The following TTC28 variants were observed in gnomAD, a reference collection of about 807,000 sequenced individuals.
TTC28 encodes tetratricopeptide repeat protein 28.
In TTC28, 61 loss-of-function variants were observed where a neutral mutation model predicts 198.0. That is an observed-to-expected ratio of 0.31 (90% CI 0.25 to 0.38). TTC28 has a LOEUF of 0.38. TTC28 is among the 10% of genes least tolerant of loss of function. The pLI is 1.00. For synonymous variants in TTC28, 1,171 were observed against 1,297.8 expected (o/e 0.90, Z 2.10); for missense variants, 2,678 against 3,164.0 (o/e 0.85, Z 3.69).
At chr22:28,372,805 G>A (rs900922247) in intron 2 of TTC28, among the ~76,000 whole-genome samples, 1 of 152,120 alleles carries the variant, frequency 6.6e-6, no homozygotes, top group African/African-American at 2.4e-5. Context: ...AATAAACACC[G>A]AAGTCAGGAG....
At chr22:28,379,199 T>G (rs977837343) in intron 2 of TTC28, among the ~76,000 whole-genome samples, 8 of 152,116 alleles carry the variant, frequency 5.3e-5, no homozygotes, top group African/African-American at 1.9e-4. Context: ...ATATAAAAGC[T>G]GATTTGGAAA....
At chr22:28,449,519 G>C (rs1405415521) in intron 2 of TTC28, among the ~76,000 whole-genome samples, 1 of 152,176 alleles carries the variant, frequency 6.6e-6, no homozygotes, top group Non-Finnish European at 1.5e-5. Context: ...TGTTATAGGA[G>C]AGGAAGCTAA....
chr22:28,351,627 C>T lies in TTC28; in HGVS notation c.382-44984G>A, dbSNP rs568291007. Among the ~76,000 whole-genome samples the T allele has an allele frequency of 2.0e-5, 3 of 152,212 alleles. No homozygotes were observed. In the South Asian group the frequency reaches 6.2e-4, roughly 32 times the overall value. On this transcript the variant is annotated intron_variant, in intron 2 of 22. Coordinates refer to ENST00000397906, the MANE Select transcript of TTC28 (RefSeq NM_001145418.2). Reference sequence around the variant, plus strand: ...GGGGCCAGCAGATGTTCATTCAGAGCCAATGTTAACCCTCCTCAAGCTGAA... The same window carrying T: ...GGGGCCAGCAGATGTTCATTCAGAGTCAATGTTAACCCTCCTCAAGCTGAA...
chr22:28,212,142 T>G (rs1183949332), intron 5 of TTC28, among the ~76,000 whole-genome samples: 2 of 152,022 alleles, frequency 1.3e-5, no homozygotes, highest in African/African-American at 4.8e-5. Flanking sequence ...TAGAGGGAAA[T>G]TTATAGCACT....
intron 2 of TTC28, among the ~76,000 whole-genome samples, chr22:28,581,999 T>G (rs1244917609): frequency 3.3e-5 from 5 of 152,116 alleles, no homozygotes; most frequent in Non-Finnish European, 7.4e-5. Flanking sequence ...TATTAAGTGG[T>G]TTCCTTTTTT....
rs991625237 is a variant in TTC28 at position 28,620,080 on chromosome 22, A to T, written c.381+9472T>A. On this transcript the variant is annotated intron_variant, in intron 2 of 22. Coordinates refer to ENST00000397906, the MANE Select transcript of TTC28 (RefSeq NM_001145418.2). The stretch of plus-strand genomic sequence containing the variant: ...ACAATAGCCAACATCGGCCGGGCAC[A>T]GTGGCTCACGCCTGTAATCCCAGCA... 2.0e-5 allele frequency among the ~76,000 whole-genome samples: 3 copies of T among 152,210 alleles called. No individual in the cohort carries two copies. The South Asian group carries it at 6.2e-4, about 31-fold the overall frequency.
chr22:28,308,626 A>G (rs1645027939), intron 2 of TTC28, among the ~76,000 whole-genome samples: 1 of 152,192 alleles, frequency 6.6e-6, no homozygotes, highest in African/African-American at 2.4e-5. Flanking sequence ...GTTCAGTGTT[A>G]AATGCAAGCT....
chr22:28,622,405 G>A (rs2051013921), intron 2 of TTC28, among the ~76,000 whole-genome samples: 1 of 151,574 alleles, frequency 6.6e-6, no homozygotes, highest in Non-Finnish European at 1.5e-5. Context: ...TTCCACTTAA[G>A]AAACAGAGTT....
chr22:28,222,671 G>A (rs761034889), intron 5 of TTC28, among the ~76,000 whole-genome samples: 32 of 152,156 alleles, frequency 2.1e-4, no homozygotes, highest in Non-Finnish European at 4.0e-4. Context: ...GGAGAAAAGG[G>A]CTATTCATCA....
intron 2 of TTC28, among the ~76,000 whole-genome samples, chr22:28,414,167 A>C (rs1234317678): frequency 6.6e-6 from 1 of 152,258 alleles, no homozygotes; most frequent in East Asian, 1.9e-4. Context: ...GAGTAAGTAC[A>C]TAACAGAAAG....
chr22:28,220,815 A>G (rs758823983), intron 5 of TTC28, among the ~76,000 whole-genome samples: 1 of 152,182 alleles, frequency 6.6e-6, no homozygotes, highest in Non-Finnish European at 1.5e-5. Flanking sequence ...CCACGTTAAG[A>G]GTATGTTTGC....
chr22:28,509,213 C>G (rs906542150), intron 2 of TTC28, among the ~76,000 whole-genome samples: 1 of 151,532 alleles, frequency 6.6e-6, no homozygotes, highest in Non-Finnish European at 1.5e-5. Flanking sequence ...AAAAAATACT[C>G]TCTACCCAGA....
chr22:28,386,269 C>T (rs1356704022), intron 2 of TTC28, among the ~76,000 whole-genome samples: 7 of 47,924 alleles, frequency 1.5e-4, no homozygotes, highest in Admixed American at 9.7e-4. Context: ...AGCGAGACTC[C>T]GTCTCAAAAA....
intron 2 of TTC28, among the ~76,000 whole-genome samples, chr22:28,358,990 C>T (rs957762641): frequency 1.3e-5 from 2 of 152,110 alleles, no homozygotes; most frequent in African/African-American, 4.8e-5. Context: ...ACTATGGTTC[C>T]CTTACCTCTC....
intron 2 of TTC28, among the ~76,000 whole-genome samples, chr22:28,538,655 G>A (rs977043785): frequency 6.8e-6 from 1 of 146,742 alleles, no homozygotes; most frequent in Non-Finnish European, 1.5e-5. Context: ...GGCCTCCCAA[G>A]TTCAAGCAAT....
intron 5 of TTC28, among the ~76,000 whole-genome samples, chr22:28,195,924 TG>T (rs1925288649): frequency 6.6e-6 from 1 of 152,076 alleles, no homozygotes; most frequent in Admixed American, 6.6e-5. Context: ...TTCACAGAAC[TG>T]GAAAAAACTA....
rs566918241 is a variant in TTC28, at chr22:28,341,117, G to A, written c.382-34474C>T. 1.6e-4 allele frequency among the ~76,000 whole-genome samples: 24 copies of A among 152,256 alleles called. No individual in the cohort carries two copies. In the South Asian group the frequency reaches 5.0e-3, roughly 32 times the overall value. On this transcript the variant is annotated intron_variant, in intron 2 of 22. Coordinates refer to ENST00000397906, the MANE Select transcript of TTC28 (RefSeq NM_001145418.2). ...GATCCTAAGATGCATCTATCTCTAAGGTCAAAAGAATACTGCCTTTGTTCC... is the reference window on the plus strand; with the variant it reads ...GATCCTAAGATGCATCTATCTCTAAAGTCAAAAGAATACTGCCTTTGTTCC...
chr22:28,566,048 G>T (rs1012606050), intron 2 of TTC28, among the ~76,000 whole-genome samples: 1 of 152,058 alleles, frequency 6.6e-6, no homozygotes, highest in Non-Finnish European at 1.5e-5. Context: ...AATATGGTTT[G>T]GGGGGAGGAA....
chr22:28,648,636 C>T (rs2051516478), intron 1 of TTC28, among the ~76,000 whole-genome samples: 1 of 152,170 alleles, frequency 6.6e-6, no homozygotes, highest in Non-Finnish European at 1.5e-5. Context: ...GGGCCAGGCA[C>T]AGTGGCTCAT....
Sources: allele counts gnomAD v4.1 joint callset (sites outside exome capture counted in the v4.1 genomes callset), GRCh38; gene constraint gnomAD v4.1.1; transcripts MANE v1.5; gene names NCBI Gene and HGNC (gene_info 2026-07-23, HGNC 2026-07-21).